The following RAD17 variants were observed in gnomAD, a reference collection of about 807,000 sequenced individuals.
The protein encoded by RAD17 is RAD17 checkpoint clamp loader component, also known as cell cycle checkpoint protein RAD17.
A neutral mutation model predicts 81.5 loss-of-function variants in RAD17; 31 were observed. The ratio of observed to expected loss-of-function variants is 0.38; its 90% CI spans 0.29 to 0.51. The LOEUF (loss-of-function observed/expected upper bound fraction) is 0.51. RAD17 is among the 20% of genes least tolerant of loss of function. The pLI is 0.88. For synonymous variants in RAD17, 261 were observed against 266.2 expected, an observed-to-expected ratio of 0.98 and a Z score of 0.19; for missense variants, 681 against 781.2, an observed-to-expected ratio of 0.87 and a Z score of 1.53.
chr5:69,369,508 C>T (rs1561226281), upstream of RAD17: 10 of 1,611,356 alleles, frequency 6.2e-6, no homozygotes, highest in African/African-American at 1.3e-5. Flanking sequence ...GCCGCGACGG[C>T]TTCGGGCGCC....
chr5:69,369,714 G>A, upstream of RAD17: 1 of 1,550,992 alleles, frequency 6.4e-7, no homozygotes, highest in Non-Finnish European at 8.7e-7. Context: ...AACTCGGGTC[G>A]GTACTTCGGG....
chr5:69,407,757 G>A (rs1765719140), intron 17 of RAD17, among the ~76,000 whole-genome samples: 1 of 151,716 alleles, frequency 6.6e-6, no homozygotes, highest in African/African-American at 2.4e-5. Flanking sequence ...TCGCCATGTT[G>A]GCCAGGCTGG....
intron 12 of RAD17, among the ~76,000 whole-genome samples, chr5:69,390,114 G>A (rs1268756943): frequency 6.6e-6 from 1 of 152,142 alleles, no homozygotes; most frequent in Non-Finnish European, 1.5e-5. Context: ...AATGGTCATC[G>A]TTTACTGCAT....
At chr5:69,401,260 A>C (rs1052168402) in intron 17 of RAD17, among the ~76,000 whole-genome samples, 2 of 152,196 alleles carry the variant, frequency 1.3e-5, no homozygotes, top group African/African-American at 4.8e-5. Context: ...CCCTACAACC[A>C]CAGGTTGCTT....
intron 6 of RAD17, 106 bp downstream of exon 6, chr5:69,374,817 T>A: frequency 1.0e-6 from 1 of 974,098 alleles, no homozygotes; most frequent in Non-Finnish European, 1.5e-6. Flanking sequence ...AAAATAAGTC[T>A]AGATCTCCTG....
chr5:69,370,846 A>G (rs1205251140), intron 1 of RAD17, 189 bp from the exon 2 acceptor site: 2 of 215,564 alleles, frequency 9.3e-6, no homozygotes, highest in Admixed American at 5.5e-5. Flanking sequence ...TATACTTTCC[A>G]ATGTATAAGT....
chr5:69,380,670 T>C (rs1763797930), intron 6 of RAD17, among the ~76,000 whole-genome samples: 1 of 152,200 alleles, frequency 6.6e-6, no homozygotes, highest in South Asian at 2.1e-4. Context: ...CAACTTTTTT[T>C]TTTTTAATCA....
intron 7 of RAD17, among the ~76,000 whole-genome samples, chr5:69,383,473 G>A (rs918759564): frequency 6.6e-6 from 1 of 151,778 alleles, no homozygotes; most frequent in African/African-American, 2.4e-5. Flanking sequence ...CCGCCTCCTG[G>A]GTTCAAGCAA....
Position 69,371,475 on chromosome 5 carries a change from T to G in RAD17, c.-258T>G. ...CCAGGTGAATTATAGTTTAATGTAC[T>G]GCAAGTCCTAAACTACGGATGGGAA... On this transcript the variant is annotated 5_prime_UTR_variant, in exon 3 of 19. Coordinates refer to ENST00000354868, the MANE Select transcript of RAD17 (RefSeq NM_133338.3). 3 of 827,208 alleles carry G rather than the reference T, an allele frequency of 3.6e-6. No individual in the cohort carries two copies. Among genetic ancestry groups the G allele is most frequent in the Non-Finnish European group, 5.1e-6 (3 of 593,266 alleles). The allele number at this position is 827,208 out of a possible 1,614,324, so 51.2% of individuals were successfully genotyped here.
chr5:69,395,043 C>A (rs1031314065), intron 15 of RAD17, among the ~76,000 whole-genome samples: 1 of 152,058 alleles, frequency 6.6e-6, no homozygotes, highest in Non-Finnish European at 1.5e-5. Flanking sequence ...TAGAGCTGGA[C>A]CTTGTCTCAA....
intron 17 of RAD17, among the ~76,000 whole-genome samples, chr5:69,401,003 C>T (rs1434195721): frequency 1.3e-5 from 2 of 150,954 alleles, no homozygotes; most frequent in African/African-American, 4.9e-5. Context: ...TGCCTGTAAT[C>T]CCAGCACTTT....
At chr5:69,409,165 G>A (rs1306626271) in intron 17 of RAD17, among the ~76,000 whole-genome samples, 1 of 152,070 alleles carries the variant, frequency 6.6e-6, no homozygotes, top group African/African-American at 2.4e-5. Flanking sequence ...ACTTATTCTG[G>A]GTGGGTGCCC....
intron 4 of RAD17, among the ~76,000 whole-genome samples, chr5:69,373,190 GC>G (rs755174502): frequency 1.3e-5 from 2 of 151,638 alleles, no homozygotes; most frequent in Non-Finnish European, 2.9e-5. Flanking sequence ...ATTTTGTTTT[GC>G]TTTTTTTAAT....
intron 12 of RAD17, among the ~76,000 whole-genome samples, chr5:69,390,433 A>C (rs1764481057): frequency 6.6e-6 from 1 of 152,122 alleles, no homozygotes; most frequent in Non-Finnish European, 1.5e-5. Context: ...GTTTGAAACC[A>C]GCCTGGGCAA....
At chr5:69,399,934 C>A (rs1765152556) in intron 16 of RAD17, 115 bp from the exon 17 acceptor site, 1 of 629,232 alleles carries the variant, frequency 1.6e-6, no homozygotes, top group Non-Finnish European at 2.4e-6. Context: ...ATATATAAAC[C>A]CACAAGTTAA....
chr5:69,397,587 G>T (rs540197859), intron 16 of RAD17, among the ~76,000 whole-genome samples: 19 of 152,054 alleles, frequency 1.2e-4, no homozygotes, highest in Non-Finnish European at 2.4e-4. Flanking sequence ...AACATAGTGA[G>T]ATCCCATATC....
intron 12 of RAD17, among the ~76,000 whole-genome samples, chr5:69,391,178 C>T (rs990479832): frequency 6.9e-6 from 1 of 145,884 alleles, no homozygotes; most frequent in Non-Finnish European, 1.5e-5. Flanking sequence ...TGTGGTGAGC[C>T]GAGATCACAC....
At position 69,399,608 on chromosome 5, in the gene RAD17, T is replaced by C. The variant is rs1156955114; in HGVS notation, c.1573-441T>C. On this transcript the variant is annotated intron_variant, in intron 16 of 18. Coordinates refer to ENST00000354868, the MANE Select transcript of RAD17 (RefSeq NM_133338.3). ...TTATAGCATATATATTAATTTTGCA[T>C]TGTTGCTGCATATAAATTATCTAAG... 2.6e-5 allele frequency among the ~76,000 whole-genome samples: 4 copies of C among 152,340 alleles called. No homozygotes were observed. In the East Asian group the frequency reaches 7.7e-4, roughly 29 times the overall value.
At chr5:69,400,296 CA>C in intron 17 of RAD17, 127 bp downstream of exon 17, 1 of 540,648 alleles carries the variant, frequency 1.8e-6, no homozygotes, top group Non-Finnish European at 2.7e-6. Context: ...CGGCTCACTG[CA>C]ACCTCTGCCT....
Sources: allele counts gnomAD v4.1 joint callset (sites outside exome capture counted in the v4.1 genomes callset), GRCh38; gene constraint gnomAD v4.1.1; transcripts MANE v1.5; gene names NCBI Gene and HGNC (gene_info 2026-07-23, HGNC 2026-07-21).